The following THEM6 variants were observed in gnomAD, a reference collection of about 807,000 sequenced individuals.
THEM6 encodes the protein protein THEM6.
A neutral mutation model predicts 13.7 loss-of-function variants in THEM6; 10 were observed. That is an observed-to-expected ratio of 0.73 (90% CI 0.45 to 1.24). THEM6 has a LOEUF of 1.24. Among genes scored for constraint, THEM6 ranks in the 50% most tolerant of loss-of-function variants. THEM6 has a pLI of 0.00. For missense variants in THEM6, 317 were observed against 312.6 expected, an observed-to-expected ratio of 1.01 and a Z score of -0.11; for synonymous variants, 161 against 156.0, an observed-to-expected ratio of 1.03 and a Z score of -0.24.
chr8:142,734,759 G>C, intron 1 of THEM6: 1 of 155,654 alleles, frequency 6.4e-6, no homozygotes, highest in East Asian at 1.9e-4. Flanking sequence ...GTGGGCCTGT[G>C]CCTGGCCTGT....
chr8:142,730,224 G>GT (rs1563821945), intron 1 of THEM6, among the ~76,000 whole-genome samples: 2 of 152,096 alleles, frequency 1.3e-5, no homozygotes, highest in African/African-American at 4.8e-5. Flanking sequence ...GAGTGTGGTC[G>GT]TTTTTTTCTT....
At chr8:142,730,831 G>A (rs1437079328) in intron 1 of THEM6, among the ~76,000 whole-genome samples, 3 of 149,632 alleles carry the variant, frequency 2.0e-5, no homozygotes, top group African/African-American at 4.9e-5. Flanking sequence ...CGCAAGCTCC[G>A]CCTCCCGGGT....
At position 142,727,421 on chromosome 8, in the gene THEM6, G is replaced by T; in HGVS notation, c.75G>T (p.Val25=). Residue 25 remains valine (V), a synonymous_variant, in exon 1 of 2, where the codon GTG becomes GTT. Coordinates refer to ENST00000336138, the MANE Select transcript of THEM6 (RefSeq NM_016647.3). ...CGCTGCTGGACGTCTGGTACCTGGT[G>T]CGCCTTCCGTGCGCCGTGCTGCGCG... ...VFALLDVWYL[V]RLPCAVLRAR... 1.9e-6 allele frequency: 3 copies of T among 1,540,766 alleles called. No homozygotes were observed. Among genetic ancestry groups the T allele is most frequent in the Non-Finnish European group, 1.7e-6 (2 of 1,150,266 alleles).
rs941496605 is a variant in THEM6, at chr8:142,735,476, T to C, written c.*37T>C. On this transcript the variant is annotated 3_prime_UTR_variant, in exon 2 of 2. Transcript: ENST00000336138. ...ACACCGTCTGCCCTGGCCACCATCC[T>C]GGGCCTGGGGGCTGCCCACAGATGG... 6.9e-6 allele frequency: 10 copies of C among 1,453,716 alleles called. No homozygotes were observed. The highest frequency in any genetic ancestry group is 9.4e-6 in the Non-Finnish European group (10 of 1,059,842). 90.1% of individuals were successfully genotyped at this position (1,453,716 alleles called of 1,614,324 possible). A position where few individuals can be genotyped will look rare whatever the true frequency, so the allele number is the denominator to read the frequency against.
chr8:142,728,733 C>A (rs1815574492), intron 1 of THEM6, among the ~76,000 whole-genome samples: 1 of 152,170 alleles, frequency 6.6e-6, no homozygotes, highest in Non-Finnish European at 1.5e-5. Context: ...CTGCAGCGCA[C>A]AGTGAAAGCA....
Position 142,735,362 on chromosome 8 carries a change from TGGATCTC to T in THEM6, c.551_557del (p.Trp184SerfsTer56). 1.9e-6 allele frequency: 3 copies of T among 1,575,608 alleles called. No individual in the cohort carries two copies. The highest frequency in any genetic ancestry group is 2.6e-6 in the Non-Finnish European group (3 of 1,160,790). The stretch of plus-strand genomic sequence containing the variant: ...TGAGCTGCCCGCTGATCTGCAGCAC[TGGATCTC>T]CTACAACGAGGCCAGCAGCCAGCTG... On this transcript the variant is annotated frameshift_variant, in exon 2 of 2. Transcript: ENST00000336138. LOFTEE classifies it high-confidence loss of function.
chr8:142,735,594 A>G lies in THEM6; in HGVS notation c.*155A>G. On this transcript the variant is annotated 3_prime_UTR_variant, in exon 2 of 2. Coordinates refer to ENST00000336138, the MANE Select transcript of THEM6 (RefSeq NM_016647.3). ...CCACTGGGCCCCCCCAGTTATTGAT[A>G]CCCCTCTGTGCTGGGCTCCACGCTA... The G allele has an allele frequency of 1.6e-6, 1 of 630,374 alleles. No individual in the cohort carries two copies. Among genetic ancestry groups the G allele is most frequent in the Non-Finnish European group, 2.9e-6 (1 of 347,210 alleles). 39.0% of individuals were successfully genotyped at this position (630,374 alleles called of 1,614,324 possible). A position where few individuals can be genotyped will look rare whatever the true frequency, so the allele number is the denominator to read the frequency against.
intron 1 of THEM6, among the ~76,000 whole-genome samples, chr8:142,732,163 T>A (rs10103654): frequency 5.3e-5 from 2 of 37,824 alleles, no homozygotes; most frequent in African/African-American, 1.1e-4. Context: ...GAGTTTTGAA[T>A]ATATATATAT....
chr8:142,727,245 C>T lies in THEM6; in HGVS notation c.-102C>T, dbSNP rs1443950268. 4 of 1,230,642 alleles carry T rather than the reference C, an allele frequency of 3.3e-6. No homozygotes were observed. The African/African-American group carries it at 4.8e-5, about 15-fold the overall frequency. 76.2% of individuals were successfully genotyped at this position (1,230,642 alleles called of 1,614,324 possible). ...TGTGGTTCGCTCCGGGCGCGCTGCG[C>T]TCGTGAGTTCCCAGGAGGCCTGGCG... On this transcript the variant is annotated 5_prime_UTR_variant, in exon 1 of 2. Coordinates refer to ENST00000336138, the MANE Select transcript of THEM6 (RefSeq NM_016647.3).
intron 1 of THEM6, among the ~76,000 whole-genome samples, chr8:142,729,496 T>C (rs1465758264): frequency 6.6e-6 from 1 of 152,218 alleles, no homozygotes; most frequent in Non-Finnish European, 1.5e-5. Flanking sequence ...CTAAGGTCTG[T>C]TTTAGATCTC....
At chr8:142,734,399 C>A (rs1289403272) in intron 1 of THEM6, 1 of 152,272 alleles carries the variant, frequency 6.6e-6, no homozygotes, top group African/African-American at 2.4e-5. Context: ...GTGATAAAAT[C>A]AGGCATGGGC....
intron 1 of THEM6, among the ~76,000 whole-genome samples, chr8:142,732,846 G>A (rs1424632476): frequency 2.6e-5 from 4 of 151,900 alleles, no homozygotes; most frequent in Non-Finnish European, 5.9e-5. Flanking sequence ...AACAGAGACC[G>A]CCCCCGCAGG....
At chr8:142,731,524 ATG>A (rs1554642931) in intron 1 of THEM6, among the ~76,000 whole-genome samples, 1 of 152,080 alleles carries the variant, frequency 6.6e-6, no homozygotes, top group East Asian at 1.9e-4. Context: ...AATCTTCAAC[ATG>A]TCTTAACTTT....
At chr8:142,729,138 AAATCAGGAATGC>A in intron 1 of THEM6, among the ~76,000 whole-genome samples, 1 of 151,986 alleles carries the variant, frequency 6.6e-6, no homozygotes, top group Non-Finnish European at 1.5e-5. Context: ...CGGGGTTTCA[AAATCAGGAATGC>A]CTTTGTTCTC....
intron 1 of THEM6, among the ~76,000 whole-genome samples, chr8:142,730,839 G>T (rs1554642882): frequency 6.6e-6 from 1 of 151,898 alleles, no homozygotes; most frequent in Non-Finnish European, 1.5e-5. Context: ...CCGCCTCCCG[G>T]GTTCACGCCA....
rs943340305 is a variant in THEM6 at position 142,733,181 on chromosome 8, GAAGT to G, written c.514-2142_514-2139del. The stretch of plus-strand genomic sequence containing the variant: ...CAAAGGCAGAGGAGAACAAAGGAAG[GAAGT>G]AATTTGTGGAATGCTGAGAAAGGTA... On this transcript the variant is annotated intron_variant, in intron 1 of 1. Coordinates refer to ENST00000336138, the MANE Select transcript of THEM6 (RefSeq NM_016647.3). Among the ~76,000 whole-genome samples the G allele has an allele frequency of 1.1e-4, 17 of 152,334 alleles. 1 individual carries two copies. Among genetic ancestry groups the G allele is most frequent in the African/African-American group, 4.1e-4 (17 of 41,580 alleles).
chr8:142,733,291 T>C (rs942073151), intron 1 of THEM6, among the ~76,000 whole-genome samples: 3 of 152,246 alleles, frequency 2.0e-5, no homozygotes, highest in African/African-American at 7.2e-5. Context: ...AGGGCAAATA[T>C]TTAGGCTAAA....
rs782636432 is a variant in THEM6, at chr8:142,727,361, G to C, written c.15G>C (p.Leu5=). MLGL[L]VALLALGLAV... ...CCGCCGCCGCTATGCTGGGGCTGCT[G>C]GTGGCGTTGCTGGCCCTGGGGCTCG... Residue 5 remains leucine (L), a synonymous_variant, in exon 1 of 2, where the codon CTG becomes CTC. Coordinates refer to ENST00000336138, the MANE Select transcript of THEM6 (RefSeq NM_016647.3). The C allele has an allele frequency of 5.3e-6, 8 of 1,519,416 alleles. No homozygotes were observed. Among genetic ancestry groups the C allele is most frequent in the Non-Finnish European group, 4.4e-6 (5 of 1,140,374 alleles). 94.1% of individuals were successfully genotyped at this position (1,519,416 alleles called of 1,614,324 possible). A position where few individuals can be genotyped will look rare whatever the true frequency, so the allele number is the denominator to read the frequency against.
Position 142,727,434 on chromosome 8 carries a change from G to A in THEM6, c.88G>A (p.Ala30Thr), listed in dbSNP as rs1179861444. Residue 30 changes from alanine (A) to threonine (T), a missense_variant, in exon 1 of 2, where the codon GCC becomes ACC. Ala to Thr is a moderately conservative substitution (Grantham distance 58, BLOSUM62 0). Coordinates refer to ENST00000336138, the MANE Select transcript of THEM6 (RefSeq NM_016647.3). ...DVWYLVRLPC[A>T]VLRARLLQPR... ...CTGGTACCTGGTGCGCCTTCCGTGCGCCGTGCTGCGCGCGCGCCTGCTGCA... is the reference window on the plus strand; with the variant it reads ...CTGGTACCTGGTGCGCCTTCCGTGCACCGTGCTGCGCGCGCGCCTGCTGCA... 7 of 1,548,664 alleles carry A rather than the reference G, an allele frequency of 4.5e-6. No individual in the cohort carries two copies. The highest frequency in any genetic ancestry group is 2.8e-5 in the African/African-American group (2 of 71,534).
Sources: allele counts gnomAD v4.1 joint callset (sites outside exome capture counted in the v4.1 genomes callset), GRCh38; gene constraint gnomAD v4.1.1; transcripts MANE v1.5; gene names NCBI Gene and HGNC (gene_info 2026-07-23, HGNC 2026-07-21).